The following TRIM23 variants were observed in gnomAD, a reference collection of about 807,000 sequenced individuals.
TRIM23 encodes E3 ubiquitin-protein ligase TRIM23.
TRIM23 carries 27 observed loss-of-function variants against 71.0 expected under a neutral mutation model. The ratio of observed to expected loss-of-function variants is 0.38; its 90% CI spans 0.28 to 0.52. TRIM23 has a LOEUF of 0.52. Among genes scored for constraint, TRIM23 ranks in the 20% least tolerant of loss-of-function variants. The probability of loss-of-function intolerance (pLI) is 0.84; values close to 1 mark genes in which losing one functional copy is unlikely to be tolerated. For missense variants in TRIM23, 482 were observed against 692.3 expected, an observed-to-expected ratio of 0.70 and a Z score of 3.41; for synonymous variants, 234 against 238.0, an observed-to-expected ratio of 0.98 and a Z score of 0.16.
Position 65,591,130 on chromosome 5 carries a change from T to C in TRIM23, c.*639A>G, listed in dbSNP as rs1754010881. 9.6e-7 allele frequency: 1 copy of C among 1,046,224 alleles called. No individual in the cohort carries two copies. The highest frequency in any genetic ancestry group is 5.9e-5 in the Admixed American group (1 of 16,870). 64.8% of individuals were successfully genotyped at this position (1,046,224 alleles called of 1,614,324 possible). On this transcript the variant is annotated 3_prime_UTR_variant, in exon 11 of 11. Transcript: ENST00000231524. ...AATTGGGTAACATTTCACTCCCTCA[T>C]TGTGTTTTATACAAAATGCTGTAGG... is the stretch of plus-strand genomic sequence containing the variant.
rs998725909 is a variant in TRIM23, at chr5:65,617,768, G to A, written c.244+325C>T. On this transcript the variant is annotated intron_variant, in intron 2 of 10. Coordinates refer to ENST00000231524, the MANE Select transcript of TRIM23 (RefSeq NM_001656.4). Reference sequence around the variant, plus strand: ...TTGTAAAGAAAACATTGTTCTATTGGGTTTATGGCTTCAGGCAAATGATTC... The same window carrying A: ...TTGTAAAGAAAACATTGTTCTATTGAGTTTATGGCTTCAGGCAAATGATTC... Among the ~76,000 whole-genome samples, 3 of 151,952 alleles carry A rather than the reference G, an allele frequency of 2.0e-5. 1 individual carries two copies. Among genetic ancestry groups the A allele is most frequent in the Admixed American group, 2.0e-4 (3 of 15,258 alleles).
chr5:65,607,634 G>A (rs1754543066), intron 6 of TRIM23, among the ~76,000 whole-genome samples: 1 of 152,150 alleles, frequency 6.6e-6, no homozygotes, highest in Non-Finnish European at 1.5e-5. Context: ...CTGTAAAGCA[G>A]TGTGAAAATG....
rs1015109743 is a variant in TRIM23 at position 65,590,833 on chromosome 5, C to G, written c.*936G>C. 3 of 985,318 alleles carry G rather than the reference C, an allele frequency of 3.0e-6. No homozygotes were observed. The highest frequency in any genetic ancestry group is 1.7e-5 in the African/African-American group (1 of 57,192). 61.0% of individuals were successfully genotyped at this position (985,318 alleles called of 1,614,324 possible). A position where few individuals can be genotyped will look rare whatever the true frequency, so the allele number is the denominator to read the frequency against. ...GCATTTGCCACTGTACTTACAACTT[C>G]TCTTGAAGTTCGCTTTCTATTTAGG... is the stretch of plus-strand genomic sequence containing the variant. On this transcript the variant is annotated 3_prime_UTR_variant, in exon 11 of 11. Coordinates refer to ENST00000231524, the MANE Select transcript of TRIM23 (RefSeq NM_001656.4).
chr5:65,615,659 T>C (rs1263104545), intron 2 of TRIM23, among the ~76,000 whole-genome samples: 1 of 152,208 alleles, frequency 6.6e-6, no homozygotes, highest in Non-Finnish European at 1.5e-5. Flanking sequence ...CTGAGTTCTA[T>C]CTATTTACAT....
At chr5:65,623,460 A>T (rs1282365223) in intron 1 of TRIM23, among the ~76,000 whole-genome samples, 3 of 152,232 alleles carry the variant, frequency 2.0e-5, no homozygotes, top group African/African-American at 7.2e-5. Flanking sequence ...CGTGCACAAC[A>T]GTGGAAGGGA....
At position 65,590,326 on chromosome 5, in the gene TRIM23, T is replaced by A. The variant is rs1291853269; in HGVS notation, c.*1443A>T. 2.1e-6 allele frequency: 3 copies of A among 1,452,948 alleles called. No homozygotes were observed. Among genetic ancestry groups the A allele is most frequent in the Non-Finnish European group, 1.9e-6 (2 of 1,059,450 alleles). 90.0% of individuals were successfully genotyped at this position (1,452,948 alleles called of 1,614,324 possible). ...ACCTGAAAAATAAAGGATGAAATAT[T>A]ACATTTATTTATTTACATATTGCCC... is the stretch of plus-strand genomic sequence containing the variant. On this transcript the variant is annotated 3_prime_UTR_variant, in exon 11 of 11. Coordinates refer to ENST00000231524, the MANE Select transcript of TRIM23 (RefSeq NM_001656.4).
In TRIM23 at chr5:65,591,827, T is replaced by A. The variant is rs762270116; in HGVS notation, c.1667A>T (p.Glu556Val). ...CDARSGMGLY[E>V]GLDWLSRQLV... ...TTGCCGTGAGAGCCAGTCCAACCCT[T>A]CATACAGTCCCATACCACTTCGAGC... The change falls in exon 11 of 11, where the codon GAA becomes GTA. Residue 556 changes from glutamate (E) to valine (V), a missense_variant. Physicochemically the swap from Glu to Val is moderately radical, Grantham distance 121. Coordinates refer to ENST00000231524, the MANE Select transcript of TRIM23 (RefSeq NM_001656.4). The A allele has an allele frequency of 8.1e-6, 13 of 1,613,396 alleles. No individual in the cohort carries two copies. Among genetic ancestry groups the A allele is most frequent in the Non-Finnish European group, 8.5e-7 (1 of 1,179,662 alleles).
intron 2 of TRIM23, among the ~76,000 whole-genome samples, chr5:65,617,091 T>C (rs894610493): frequency 1.3e-5 from 2 of 152,196 alleles, no homozygotes; most frequent in Admixed American, 1.3e-4. Context: ...CAAATAAAAG[T>C]ACAGAGACTT....
intron 9 of TRIM23, among the ~76,000 whole-genome samples, chr5:65,595,222 C>A (rs1754166653): frequency 6.6e-6 from 1 of 150,826 alleles, no homozygotes. Flanking sequence ...GACCCCTGGG[C>A]AATATAGTGA....
chr5:65,623,071 G>T (rs1365808697), intron 1 of TRIM23, among the ~76,000 whole-genome samples: 1 of 152,108 alleles, frequency 6.6e-6, no homozygotes, highest in East Asian at 1.9e-4. Flanking sequence ...AGTACCTAAA[G>T]GTCATCTGAA....
intron 2 of TRIM23, among the ~76,000 whole-genome samples, chr5:65,615,563 C>CA (rs1248142131): frequency 2.0e-5 from 3 of 151,856 alleles, no homozygotes; most frequent in South Asian, 4.2e-4. Context: ...GTGGTTCTCC[C>CA]AAAAAAACTG....
rs1754026818 is a variant in TRIM23, at chr5:65,591,600, A to G, written c.*169T>C. 3 of 1,253,734 alleles carry G rather than the reference A, an allele frequency of 2.4e-6. No individual in the cohort carries two copies. The highest frequency in any genetic ancestry group is 3.0e-4 in the Middle Eastern group (1 of 3,388). 77.7% of individuals were successfully genotyped at this position (1,253,734 alleles called of 1,614,324 possible). A position where few individuals can be genotyped will look rare whatever the true frequency, so the allele number is the denominator to read the frequency against. On this transcript the variant is annotated 3_prime_UTR_variant, in exon 11 of 11. Coordinates refer to ENST00000231524, the MANE Select transcript of TRIM23 (RefSeq NM_001656.4). ...CAATTAGAAATTTAATTCTGCCACA[A>G]AATTTTTTTAAAGCAAAGTACTGAA...
chr5:65,595,982 C>T (rs1340427808), intron 9 of TRIM23, among the ~76,000 whole-genome samples: 1 of 152,144 alleles, frequency 6.6e-6, no homozygotes, highest in East Asian at 1.9e-4. Context: ...AGTTCTTCTG[C>T]AGGTAATAAC....
chr5:65,596,402 T>A lies in TRIM23; in HGVS notation c.1420+19A>T, dbSNP rs1441080354. ...CATCCTAAAAATGTGAAAAATTAAA[T>A]GTCATTTTTAACTCTCACCTTGAGT... On this transcript the variant is annotated intron_variant, in intron 9 of 10. Coordinates refer to ENST00000231524, the MANE Select transcript of TRIM23 (RefSeq NM_001656.4). The A allele has an allele frequency of 6.7e-7, 1 of 1,496,274 alleles. No individual in the cohort carries two copies. Among genetic ancestry groups the A allele is most frequent in the Non-Finnish European group, 9.3e-7 (1 of 1,077,186 alleles). 92.7% of individuals were successfully genotyped at this position (1,496,274 alleles called of 1,614,324 possible).
intron 1 of TRIM23, among the ~76,000 whole-genome samples, chr5:65,619,118 T>C (rs939368420): frequency 6.6e-6 from 1 of 152,238 alleles, no homozygotes; most frequent in Non-Finnish European, 1.5e-5. Flanking sequence ...CTCAAACTCC[T>C]GTCATTCAAG....
chr5:65,616,914 G>A (rs1388042380), intron 2 of TRIM23, among the ~76,000 whole-genome samples: 3 of 151,996 alleles, frequency 2.0e-5, no homozygotes, highest in Non-Finnish European at 4.4e-5. Flanking sequence ...AAGAAAAGGG[G>A]TCTCACCATT....
At chr5:65,604,867 G>A (rs760357318) in intron 7 of TRIM23, 44 bp downstream of exon 7, 1 of 1,521,662 alleles carries the variant, frequency 6.6e-7, no homozygotes. Context: ...AATCAATTAT[G>A]ATTTGTCAGA....
Position 65,624,265 on chromosome 5 carries a change from G to T in TRIM23, c.10C>A (p.Leu4Met). Residue 4 changes from leucine (L) to methionine (M), a missense_variant, in exon 1 of 11, where the codon CTG becomes ATG. Leu to Met is a conservative substitution (Grantham distance 15). Coordinates refer to ENST00000231524, the MANE Select transcript of TRIM23 (RefSeq NM_001656.4). ...CCCGCTCCGAGCTTGTTTACAACCA[G>T]GGTAGCCATCCTCGCAGGGGAAGCG... MAT[L>M]VVNKLGAGVD... 1 of 1,614,126 alleles carries T rather than the reference G, an allele frequency of 6.2e-7. No individual in the cohort carries two copies. The highest frequency in any genetic ancestry group is 1.1e-5 in the South Asian group (1 of 91,088).
intron 6 of TRIM23, among the ~76,000 whole-genome samples, chr5:65,608,180 G>A (rs1488147492): frequency 1.3e-5 from 2 of 152,134 alleles, no homozygotes; most frequent in African/African-American, 4.8e-5. Flanking sequence ...TTGCAGGAGT[G>A]GCTCATGGAG....
Sources: allele counts gnomAD v4.1 joint callset (sites outside exome capture counted in the v4.1 genomes callset), GRCh38; gene constraint gnomAD v4.1.1; transcripts MANE v1.5; gene names NCBI Gene and HGNC (gene_info 2026-07-23, HGNC 2026-07-21).